Variants in ABLIM2 observed in about 807,000 individuals in gnomAD.
The protein encoded by ABLIM2 is actin binding LIM protein family member 2.
A neutral mutation model predicts 97.7 loss-of-function variants in ABLIM2; 53 were observed. That is an observed-to-expected ratio of 0.54 (90% CI 0.44 to 0.68). The LOEUF is 0.68. Among genes scored for constraint, ABLIM2 ranks in the 30% least tolerant of loss-of-function variants. The pLI, the probability that ABLIM2 is intolerant of heterozygous loss-of-function variation, is 0.00. For missense variants in ABLIM2, 835 were observed against 867.2 expected (o/e 0.96, Z 0.47); for synonymous variants, 361 against 345.8 (o/e 1.04, Z -0.49).
chr4:8,042,897 T>C (rs1409441534), intron 9 of ABLIM2, among the ~76,000 whole-genome samples: 3 of 144,246 alleles, frequency 2.1e-5, no homozygotes, highest in African/African-American at 5.2e-5. Context: ...AAACCTATAA[T>C]CCCAGCACTT....
chr4:8,158,046 G>C (rs1463585830), intron 1 of ABLIM2, among the ~76,000 whole-genome samples: 1 of 152,262 alleles, frequency 6.6e-6, no homozygotes, highest in Admixed American at 6.5e-5. Flanking sequence ...GCCCCGCACA[G>C]AGGCTGTCAG....
chr4:8,106,991 T>C (rs2152755443), intron 1 of ABLIM2, among the ~76,000 whole-genome samples: 1 of 152,328 alleles, frequency 6.6e-6, no homozygotes, highest in South Asian at 2.1e-4. Flanking sequence ...CAACCACTGC[T>C]GCCTTAACCT....
rs759524221 is a variant in ABLIM2 at position 8,020,301 on chromosome 4, T to C, written c.1270A>G (p.Ser424Gly). Residue 424 changes from serine (S) to glycine (G), a missense_variant and splice_region_variant, in exon 13 of 21, where the codon AGT becomes GGT. By Grantham distance (56) the Ser-to-Gly change is moderately conservative. Coordinates refer to ENST00000447017, the MANE Select transcript of ABLIM2 (RefSeq NM_001130083.2). Reference protein sequence around the residue: ...RHHYIPYFRGSESGRSTPSLS... With the variant: ...RHHYIPYFRGGESGRSTPSLS... Reference sequence around the variant, plus strand: ...CTGGGGGTGCTCCGGCCACTTTCACTGCCTCCAGACGGAAGGGCAAAGGCA... The same window carrying C: ...CTGGGGGTGCTCCGGCCACTTTCACCGCCTCCAGACGGAAGGGCAAAGGCA... The C allele has an allele frequency of 3.7e-6, 6 of 1,613,402 alleles. No individual in the cohort carries two copies. The highest frequency in any genetic ancestry group is 5.1e-6 in the Non-Finnish European group (6 of 1,179,694).
At chr4:7,994,951 T>A (rs1752200414) in intron 16 of ABLIM2, among the ~76,000 whole-genome samples, 1 of 114,576 alleles carries the variant, frequency 8.7e-6, no homozygotes, top group African/African-American at 2.8e-5. Flanking sequence ...ATATCCAGAA[T>A]CTACAATGAA....
At chr4:7,973,268 T>TG (rs1311410563) in intron 20 of ABLIM2, among the ~76,000 whole-genome samples, 4 of 151,702 alleles carry the variant, frequency 2.6e-5, no homozygotes, top group East Asian at 3.9e-4. Flanking sequence ...CCCAGCAGTT[T>TG]GGGGGGCTGA....
Position 8,087,382 on chromosome 4 carries a change from G to GT in ABLIM2, c.454+786dup, listed in dbSNP as rs75367355. On this transcript the variant is annotated intron_variant, in intron 4 of 20. Transcript: ENST00000447017. The surrounding 1 kb of genome is among the most constrained non-coding windows in gnomAD (Gnocchi z 4.6). ...ACCCCTGACACTTCGGCTGGCATTTGTTTTTTTTCCACACTAACAACCTCC... is the reference window on the plus strand; with the variant it reads ...ACCCCTGACACTTCGGCTGGCATTTGTTTTTTTTTCCACACTAACAACCTCC... 1.3e-5 allele frequency among the ~76,000 whole-genome samples: 2 copies of GT among 152,018 alleles called. No individual in the cohort carries two copies. Among genetic ancestry groups the GT allele is most frequent in the Admixed American group, 6.5e-5 (1 of 15,268 alleles).
In ABLIM2 at chr4:8,072,072, C is replaced by A. The variant is rs1812593736; in HGVS notation, c.675+5556G>T. On this transcript the variant is annotated intron_variant, in intron 6 of 20. Coordinates refer to ENST00000447017, the MANE Select transcript of ABLIM2 (RefSeq NM_001130083.2). This position sits in a 1 kb window ranked among gnomAD's most constrained non-coding sequence, Gnocchi z 5.8. ...GCTGTGCAGAGCCCGCCGACTCAGC[C>A]ACGCCGCCACAGACTCGCCTCCCCG... 1.0e-6 allele frequency: 1 copy of A among 985,320 alleles called. No homozygotes were observed. The highest frequency in any genetic ancestry group is 6.1e-5 in the Admixed American group (1 of 16,272). The allele number at this position is 985,320 out of a possible 1,614,324, so 61.0% of individuals were successfully genotyped here.
chr4:8,092,618 C>T (rs1300791432), intron 3 of ABLIM2, among the ~76,000 whole-genome samples: 1 of 152,112 alleles, frequency 6.6e-6, no homozygotes, highest in Non-Finnish European at 1.5e-5. Flanking sequence ...TAGCTATCTG[C>T]CTCATGGTCC....
intron 2 of ABLIM2, among the ~76,000 whole-genome samples, chr4:8,100,874 G>C (rs1463078280): frequency 6.6e-6 from 1 of 152,126 alleles, no homozygotes; most frequent in East Asian, 1.9e-4. Context: ...ATTTACTGTG[G>C]GGCATGCATT....
rs1433736566 is a variant in ABLIM2 at position 8,021,314 on chromosome 4, C to T, written c.1268-1011G>A. Reference sequence around the variant, plus strand: ...GAGGGCCGAGGTGACCTGGGTGACGCCCCTCCCCCCACACCTGTTTGGGGA... The same window carrying T: ...GAGGGCCGAGGTGACCTGGGTGACGTCCCTCCCCCCACACCTGTTTGGGGA... On this transcript the variant is annotated intron_variant, in intron 12 of 20. Transcript: ENST00000447017. This position sits in a 1 kb window ranked among gnomAD's most constrained non-coding sequence, Gnocchi z 5.5. 6.6e-6 allele frequency among the ~76,000 whole-genome samples: 1 copy of T among 152,140 alleles called. No individual in the cohort carries two copies. The highest frequency in any genetic ancestry group is 6.5e-5 in the Admixed American group (1 of 15,274).
At position 8,154,284 on chromosome 4, in the gene ABLIM2, T is replaced by TC. The variant is rs200089282; in HGVS notation, c.10+4395_10+4396insG. On this transcript the variant is annotated intron_variant, in intron 1 of 20. Transcript: ENST00000447017. ...GCCACTTATTTTCTTTTCTTTTCTTTTTTTTTTTTTTTTTTGGAGACAGAG... is the reference window on the plus strand; with the variant it reads ...GCCACTTATTTTCTTTTCTTTTCTTTCTTTTTTTTTTTTTTTGGAGACAGAG... Among the ~76,000 whole-genome samples the TC allele has an allele frequency of 1.7e-3, 82 of 47,712 alleles. 1 individual carries two copies. Among genetic ancestry groups the TC allele is most frequent in the African/African-American group, 3.1e-3 (78 of 25,306 alleles). The allele number at this position is 47,712 out of a possible 152,430, so 31.3% of individuals were successfully genotyped here.
At chr4:8,024,546 C>T (rs574444199) in intron 12 of ABLIM2, among the ~76,000 whole-genome samples, 3 of 152,246 alleles carry the variant, frequency 2.0e-5, no homozygotes, top group South Asian at 2.1e-4. Flanking sequence ...AGAGGGCAGG[C>T]GACGCTGCCT....
Position 8,050,053 on chromosome 4 carries a change from A to G in ABLIM2, c.822+4135T>C, listed in dbSNP as rs540274698. On this transcript the variant is annotated intron_variant, in intron 8 of 20. Coordinates refer to ENST00000447017, the MANE Select transcript of ABLIM2 (RefSeq NM_001130083.2). ...AGTCAGAATGTTTTAAAATCTACCTATAACTTGGAAGCTCCTGCTTTGAGT... is the reference window on the plus strand; with the variant it reads ...AGTCAGAATGTTTTAAAATCTACCTGTAACTTGGAAGCTCCTGCTTTGAGT... Among the ~76,000 whole-genome samples the G allele has an allele frequency of 2.6e-5, 4 of 152,284 alleles. No homozygotes were observed. In the South Asian group the frequency reaches 8.3e-4, roughly 32 times the overall value.
Position 8,067,348 on chromosome 4 carries a change from T to A in ABLIM2, c.676-6294A>T, listed in dbSNP as rs895975869. The stretch of plus-strand genomic sequence containing the variant: ...AAGGGTCGCAGAGCTCCTAGTGAGC[T>A]GGGGGCAGAGACGGAAGCCTTCCAC... On this transcript the variant is annotated intron_variant, in intron 6 of 20. Coordinates refer to ENST00000447017, the MANE Select transcript of ABLIM2 (RefSeq NM_001130083.2). The surrounding 1 kb of genome is among the most constrained non-coding windows in gnomAD (Gnocchi z 5.4). The A allele has an allele frequency of 3.3e-5, 5 of 152,304 alleles. No homozygotes were observed. The highest frequency in any genetic ancestry group is 1.2e-4 in the African/African-American group (5 of 41,426). The allele number at this position is 152,304 out of a possible 1,614,324, so 9.4% of individuals were successfully genotyped here.
rs980796956 is a variant in ABLIM2, at chr4:8,044,603, A to G, written c.900+561T>C. Among the ~76,000 whole-genome samples, 1 of 151,880 alleles carries G rather than the reference A, an allele frequency of 6.6e-6. No individual in the cohort carries two copies. Among genetic ancestry groups the G allele is most frequent in the Non-Finnish European group, 1.5e-5 (1 of 67,986 alleles). On this transcript the variant is annotated intron_variant, in intron 9 of 20. Coordinates refer to ENST00000447017, the MANE Select transcript of ABLIM2 (RefSeq NM_001130083.2). This position sits in a 1 kb window ranked among gnomAD's most constrained non-coding sequence, Gnocchi z 4.4. ...TGTTAAAATGTTTTCAATCATTTTTATATTTGTATGTGATTATGGAAGCGT... is the reference window on the plus strand; with the variant it reads ...TGTTAAAATGTTTTCAATCATTTTTGTATTTGTATGTGATTATGGAAGCGT...
At chr4:7,979,646 A>T (rs1268295926) in intron 20 of ABLIM2, among the ~76,000 whole-genome samples, 1 of 152,090 alleles carries the variant, frequency 6.6e-6, no homozygotes, top group East Asian at 1.9e-4. Context: ...ACCAGAGAAG[A>T]CCCCTTTCCT....
rs1743876853 is a variant in ABLIM2, at chr4:7,986,184, A to G, written c.1681-1291T>C. Among the ~76,000 whole-genome samples, 1 of 152,236 alleles carries G rather than the reference A, an allele frequency of 6.6e-6. No homozygotes were observed. Among genetic ancestry groups the G allele is most frequent in the Admixed American group, 6.5e-5 (1 of 15,294 alleles). On this transcript the variant is annotated intron_variant, in intron 17 of 20. Coordinates refer to ENST00000447017, the MANE Select transcript of ABLIM2 (RefSeq NM_001130083.2). This position sits in a 1 kb window ranked among gnomAD's most constrained non-coding sequence, Gnocchi z 4.3. ...TTCAGCAGGGAGAGTTCTGCAGCCAAAGGAGAGACGGTATGCTCAGCCCAG... is the reference window on the plus strand; with the variant it reads ...TTCAGCAGGGAGAGTTCTGCAGCCAGAGGAGAGACGGTATGCTCAGCCCAG...
At chr4:8,026,833 C>T (rs995133458) in intron 12 of ABLIM2, among the ~76,000 whole-genome samples, 6 of 151,002 alleles carry the variant, frequency 4.0e-5, no homozygotes, top group Non-Finnish European at 8.9e-5. Flanking sequence ...ATCGCTGTGT[C>T]TGCAGTGGCC....
rs1477147428 is a variant in ABLIM2, at chr4:7,967,523, T to G, written c.1825-420A>C. Among the ~76,000 whole-genome samples the G allele has an allele frequency of 8.5e-5, 13 of 152,054 alleles. No homozygotes were observed. The East Asian group carries it at 2.5e-3, about 29-fold the overall frequency. On this transcript the variant is annotated intron_variant, in intron 20 of 20. Transcript: ENST00000447017. ...CATCCGAGAGCAGGAGGTGGAAGGTTTACCCCCGGGACTTCGTAGCCCAGG... is the reference window on the plus strand; with the variant it reads ...CATCCGAGAGCAGGAGGTGGAAGGTGTACCCCCGGGACTTCGTAGCCCAGG...
Sources: gnomAD v4.1 joint callset for allele counts (sites outside exome capture counted in the v4.1 genomes callset) on GRCh38, gnomAD v4.1.1 for gene constraint, Gnocchi (gnomAD v3.1) non-coding constraint, MANE v1.5 for transcripts, NCBI Gene and HGNC (gene_info 2026-07-23, HGNC 2026-07-21) for gene names.